Variants in LOC400499 observed in about 807,000 individuals in gnomAD.
At chr16:11,399,056 T>A in the LOC400499 span, among the ~76,000 whole-genome samples, 4 of 152,054 alleles carry the variant, frequency 2.6e-5, no homozygotes, top group South Asian at 8.3e-4. Flanking sequence ...TCCCCATTTC[T>A]CCATGGCCTG....
chr16:11,510,139 T>G, the LOC400499 span, among the ~76,000 whole-genome samples: 4,196 of 151,632 alleles, frequency 0.028, 295 homozygotes, highest in African/African-American at 0.098. Context: ...TGAGCCCCGC[T>G]TGGACCCCCA....
At chr16:11,495,452 C>T in the LOC400499 span, among the ~76,000 whole-genome samples, 1 of 151,910 alleles carries the variant, frequency 6.6e-6, no homozygotes, top group South Asian at 2.1e-4. Context: ...CCTATCTAGG[C>T]CCACTGCAAC....
chr16:11,481,830 T>A, the LOC400499 span, among the ~76,000 whole-genome samples: 5 of 152,130 alleles, frequency 3.3e-5, no homozygotes, highest in African/African-American at 1.2e-4. Context: ...AGACAGGGTA[T>A]CACTATGTTG....
chr16:11,514,079 C>G, the LOC400499 span, among the ~76,000 whole-genome samples: 83 of 152,082 alleles, frequency 5.5e-4, no homozygotes, highest in Admixed American at 2.6e-3. Context: ...ACTGAGGGGT[C>G]ACTGAATTTA....
the LOC400499 span, among the ~76,000 whole-genome samples, chr16:11,454,095 A>C: frequency 6.6e-6 from 1 of 152,242 alleles, no homozygotes; most frequent in African/African-American, 2.4e-5. Flanking sequence ...AAAAGCTTCT[A>C]AGACAGTGAG....
the LOC400499 span, among the ~76,000 whole-genome samples, chr16:11,434,084 T>G: frequency 4.6e-5 from 7 of 152,026 alleles, no homozygotes; most frequent in Non-Finnish European, 1.0e-4. Context: ...GGAACCTGAG[T>G]GAGGGGGAGG....
At chr16:11,522,401 C>T in the LOC400499 span, among the ~76,000 whole-genome samples, 96 of 152,278 alleles carry the variant, frequency 6.3e-4, no homozygotes, top group African/African-American at 2.2e-3. Flanking sequence ...ATAGTTGGGG[C>T]CAGGGAATTC....
the LOC400499 span, among the ~76,000 whole-genome samples, chr16:11,505,445 CTTTTTTTTTTT>C: frequency 6.9e-5 from 5 of 71,958 alleles, no homozygotes; most frequent in South Asian, 5.5e-4. Flanking sequence ...TTTTTCTTTT[CTTTTTTTTTTT>C]TTTTTTTTTT....
At chr16:11,381,411 C>G in the LOC400499 span, among the ~76,000 whole-genome samples, 3 of 151,712 alleles carry the variant, frequency 2.0e-5, no homozygotes, top group Non-Finnish European at 4.4e-5. Flanking sequence ...TACTTTTGAG[C>G]TTTGAGTTCT....
At chr16:11,493,251 C>T in the LOC400499 span, among the ~76,000 whole-genome samples, 1 of 152,236 alleles carries the variant, frequency 6.6e-6, no homozygotes, top group African/African-American at 2.4e-5. Flanking sequence ...GCCATGCGGT[C>T]TCTTGCAATG....
the LOC400499 span, among the ~76,000 whole-genome samples, chr16:11,481,104 G>T: frequency 6.6e-6 from 1 of 152,234 alleles, no homozygotes; most frequent in Admixed American, 6.5e-5. Context: ...AGACACAAAG[G>T]TCACATATTA....
At chr16:11,481,833 C>A in the LOC400499 span, among the ~76,000 whole-genome samples, 4 of 152,116 alleles carry the variant, frequency 2.6e-5, no homozygotes, top group African/African-American at 9.6e-5. Flanking sequence ...CAGGGTATCA[C>A]TATGTTGACC....
chr16:11,398,289 T>C, the LOC400499 span: 23 of 1,222,978 alleles, frequency 1.9e-5, no homozygotes, highest in Middle Eastern at 1.2e-3. Context: ...CCCTCACTGC[T>C]GCCCCCTCAC....
chr16:11,446,363 G>A, the LOC400499 span, among the ~76,000 whole-genome samples: 10 of 151,828 alleles, frequency 6.6e-5, no homozygotes, highest in South Asian at 2.1e-4. Flanking sequence ...TCCATATGTC[G>A]CCCAGATGGA....
the LOC400499 span, chr16:11,461,178 T>C: frequency 2.0e-6 from 3 of 1,474,768 alleles, no homozygotes; most frequent in African/African-American, 1.4e-5. Flanking sequence ...AGCACCCCCA[T>C]CCCCAGGCAA....
the LOC400499 span, chr16:11,450,690 C>T: frequency 6.5e-7 from 1 of 1,536,202 alleles, no homozygotes; most frequent in Non-Finnish European, 8.7e-7. Flanking sequence ...CCACGCTGAC[C>T]ACCAGGTCCT....
At chr16:11,475,958 T>TCGG in the LOC400499 span, among the ~76,000 whole-genome samples, 4,120 of 152,040 alleles carry the variant, frequency 0.027, 111 homozygotes, top group East Asian at 0.14. Context: ...CAGGGCTGTC[T>TCGG]CGGGGATAGA....
chr16:11,388,913 C>G, the LOC400499 span, among the ~76,000 whole-genome samples: 3 of 152,108 alleles, frequency 2.0e-5, no homozygotes, highest in Non-Finnish European at 4.4e-5. Flanking sequence ...ATGGTGAAAC[C>G]CCGTCTCTAC....
the LOC400499 span, among the ~76,000 whole-genome samples, chr16:11,405,120 G>A: frequency 6.6e-6 from 1 of 152,180 alleles, no homozygotes; most frequent in African/African-American, 2.4e-5. Flanking sequence ...TCAATTCCAT[G>A]GCCAAGCTGT....
Sources: allele counts gnomAD v4.1 joint callset (sites outside exome capture counted in the v4.1 genomes callset), GRCh38; gene constraint gnomAD v4.1.1; transcripts MANE v1.5.